VAV2: variants seen among roughly 807,000 people sequenced by gnomAD.
VAV2 encodes vav guanine nucleotide exchange factor 2.
A neutral mutation model predicts 132.5 loss-of-function variants in VAV2; 67 were observed. That is an observed-to-expected ratio of 0.51 (90% CI 0.42 to 0.62). The LOEUF is 0.62. VAV2 is among the 20% of genes least tolerant of loss of function. VAV2 has a pLI of 0.00. For missense variants in VAV2, 938 were observed against 1,153.6 expected, an observed-to-expected ratio of 0.81 and a Z score of 2.71; for synonymous variants, 492 against 443.5, an observed-to-expected ratio of 1.11 and a Z score of -1.37.
intron 20 of VAV2, 64 bp from the exon 21 acceptor site, chr9:133,780,003 T>A: frequency 6.2e-7 from 1 of 1,603,224 alleles, no homozygotes; most frequent in Non-Finnish European, 8.5e-7. Context: ...GGCCCATGCA[T>A]CAACGCACCC....
intron 4 of VAV2, among the ~76,000 whole-genome samples, chr9:133,827,069 G>A (rs928271308): frequency 6.6e-6 from 1 of 152,218 alleles, no homozygotes; most frequent in East Asian, 1.9e-4. Context: ...TAGGAACGCT[G>A]GCTGCAGTGC....
At chr9:133,810,545 A>T (rs1237532070) in intron 5 of VAV2, among the ~76,000 whole-genome samples, 1 of 152,098 alleles carries the variant, frequency 6.6e-6, no homozygotes, top group Non-Finnish European at 1.5e-5. Context: ...ATCTCAGAGG[A>T]CCCTGGCAGG....
At chr9:133,871,317 T>C (rs965356657) in intron 2 of VAV2, among the ~76,000 whole-genome samples, 14 of 146,864 alleles carry the variant, frequency 9.5e-5, no homozygotes, top group African/African-American at 3.3e-4. Context: ...GATGGATGAA[T>C]TGGGGGTGGA....
At chr9:133,978,190 G>A (rs1842577777) in intron 1 of VAV2, among the ~76,000 whole-genome samples, 1 of 152,234 alleles carries the variant, frequency 6.6e-6, no homozygotes, top group Non-Finnish European at 1.5e-5. Context: ...CCGCCGGCCA[G>A]AGGATGCTGG....
rs956272052 is a variant in VAV2, at chr9:133,961,056, C to A, written c.205-21837G>T. Among the ~76,000 whole-genome samples, 2 of 152,242 alleles carry A rather than the reference C, an allele frequency of 1.3e-5. No homozygotes were observed. Among genetic ancestry groups the A allele is most frequent in the Non-Finnish European group, 2.9e-5 (2 of 68,036 alleles). ...AGCGCAGGTGAGGGAGCAGGGGCCTCCACTGGCCCACACCCGGCACACATC... is the reference window on the plus strand; with the variant it reads ...AGCGCAGGTGAGGGAGCAGGGGCCTACACTGGCCCACACCCGGCACACATC... On this transcript the variant is annotated intron_variant, in intron 1 of 29. Coordinates refer to ENST00000371850, the MANE Select transcript of VAV2 (RefSeq NM_001134398.2). This position sits in a 1 kb window ranked among gnomAD's most constrained non-coding sequence, Gnocchi z 4.1.
At position 133,831,634 on chromosome 9, in the gene VAV2, C is replaced by T. The variant is rs368634152; in HGVS notation, c.449+2638G>A. Among the ~76,000 whole-genome samples, 21 of 152,260 alleles carry T rather than the reference C, an allele frequency of 1.4e-4. No homozygotes were observed. The East Asian group carries it at 3.3e-3, about 24-fold the overall frequency. ...TACGGAGTGGGCATTTCATGTCAGT[C>T]CCTGGCCACATAAGGCCGATGTGGG... On this transcript the variant is annotated intron_variant, in intron 4 of 29. Coordinates refer to ENST00000371850, the MANE Select transcript of VAV2 (RefSeq NM_001134398.2).
intron 1 of VAV2, among the ~76,000 whole-genome samples, chr9:133,953,853 G>A (rs1447245983): frequency 6.6e-6 from 1 of 152,140 alleles, no homozygotes; most frequent in East Asian, 1.9e-4. Flanking sequence ...CCTGGCCCGA[G>A]TACCCCAAAA....
rs535352100 is a variant in VAV2 at position 133,918,583 on chromosome 9, T to C, written c.321+20520A>G. 6.6e-6 allele frequency among the ~76,000 whole-genome samples: 1 copy of C among 152,088 alleles called. No homozygotes were observed. The highest frequency in any genetic ancestry group is 1.9e-4 in the East Asian group (1 of 5,168). ...CTGCCTCACAACTCCACGTGGCTGA[T>C]ACTGTTATGTCCATTTCGTGGGTAA... is the stretch of plus-strand genomic sequence containing the variant. On this transcript the variant is annotated intron_variant, in intron 2 of 29. Coordinates refer to ENST00000371850, the MANE Select transcript of VAV2 (RefSeq NM_001134398.2). This position sits in a 1 kb window ranked among gnomAD's most constrained non-coding sequence, Gnocchi z 4.7.
chr9:133,887,604 G>C (rs549089801), intron 2 of VAV2, among the ~76,000 whole-genome samples: 48 of 151,356 alleles, frequency 3.2e-4, no homozygotes, highest in Non-Finnish European at 3.4e-4. Context: ...TTCCCCACGC[G>C]CCTCCCTGGG....
At chr9:133,950,262 T>C (rs894303911) in intron 1 of VAV2, among the ~76,000 whole-genome samples, 24 of 152,174 alleles carry the variant, frequency 1.6e-4, no homozygotes, top group African/African-American at 5.8e-4. Context: ...GAAAAATCAA[T>C]TCTGGAGAAG....
chr9:133,921,308 C>T (rs1276772748), intron 2 of VAV2, among the ~76,000 whole-genome samples: 1 of 150,966 alleles, frequency 6.6e-6, no homozygotes, highest in Non-Finnish European at 1.5e-5. Context: ...AATGAATGAA[C>T]ACATGAGTGA....
chr9:133,914,766 GGAGGA>G (rs1840007460), intron 2 of VAV2, among the ~76,000 whole-genome samples: 5 of 105,456 alleles, frequency 4.7e-5, no homozygotes, highest in East Asian at 3.6e-4. Flanking sequence ...GGAGAGGAGG[GGAGGA>G]GGGGACGGGA....
At chr9:133,871,077 T>A (rs1838015809) in intron 2 of VAV2, among the ~76,000 whole-genome samples, 1 of 146,562 alleles carries the variant, frequency 6.8e-6, no homozygotes, top group African/African-American at 2.6e-5. Context: ...AATGGGTGGA[T>A]AAATGCGTGG....
At chr9:133,798,955 C>A (rs1834827373) in intron 9 of VAV2, among the ~76,000 whole-genome samples, 1 of 152,242 alleles carries the variant, frequency 6.6e-6, no homozygotes, top group Non-Finnish European at 1.5e-5. Flanking sequence ...CCAGGGCAGG[C>A]TCTTGGGACC....
intron 2 of VAV2, among the ~76,000 whole-genome samples, chr9:133,861,882 G>C (rs1008797863): frequency 6.6e-6 from 1 of 152,242 alleles, no homozygotes; most frequent in African/African-American, 2.4e-5. Flanking sequence ...GAGAGGTCAA[G>C]TGACCTGCCC....
chr9:133,852,013 A>G (rs1837205740), intron 3 of VAV2, among the ~76,000 whole-genome samples: 1 of 150,768 alleles, frequency 6.6e-6, no homozygotes, highest in Non-Finnish European at 1.5e-5. Flanking sequence ...GGATGGATGG[A>G]TGTGTGGTGG....
intron 4 of VAV2, among the ~76,000 whole-genome samples, chr9:133,822,507 C>T (rs888735239): frequency 1.5e-4 from 23 of 152,278 alleles, no homozygotes; most frequent in Admixed American, 5.2e-4. Flanking sequence ...AGACAAGAAC[C>T]GCTTTACACA....
chr9:133,778,431 A>G (rs1292053561), intron 22 of VAV2, among the ~76,000 whole-genome samples: 1 of 152,148 alleles, frequency 6.6e-6, no homozygotes, highest in Non-Finnish European at 1.5e-5. Context: ...TATGAGACAC[A>G]ACAGAGGCAG....
intron 1 of VAV2, among the ~76,000 whole-genome samples, chr9:133,951,531 T>C (rs575643607): frequency 6.6e-6 from 1 of 152,158 alleles, no homozygotes; most frequent in Non-Finnish European, 1.5e-5. Context: ...CAGCAGTCCC[T>C]GTGCTTCGTG....
Sources: gnomAD v4.1 joint callset for allele counts (sites outside exome capture counted in the v4.1 genomes callset) on GRCh38, gnomAD v4.1.1 for gene constraint, Gnocchi (gnomAD v3.1) non-coding constraint, MANE v1.5 for transcripts, NCBI Gene and HGNC (gene_info 2026-07-23, HGNC 2026-07-21) for gene names.